The following CIB2 variants were observed in gnomAD, a reference collection of about 807,000 sequenced individuals.
CIB2 encodes calcium and integrin-binding family member 2.
Under a neutral mutation model 23.1 loss-of-function variants are expected in CIB2, and 19 were observed. The ratio of observed to expected loss-of-function variants is 0.82; its 90% CI spans 0.57 to 1.21. The LOEUF is 1.21. Among genes scored for constraint, CIB2 ranks in the 50% most tolerant of loss-of-function variants. The pLI, the probability that CIB2 is intolerant of heterozygous loss-of-function variation, is 0.00. For synonymous variants in CIB2, 94 were observed against 91.7 expected (o/e 1.03, Z -0.14); for missense variants, 220 against 241.5 (o/e 0.91, Z 0.59).
At chr15:78,117,246 C>CAAGAAAAAAAAAAAAAAA (rs2074253161) in intron 2 of CIB2, among the ~76,000 whole-genome samples, 1 of 55,496 alleles carries the variant, frequency 1.8e-5, no homozygotes, top group Non-Finnish European at 3.0e-5. Context: ...AAGCTACTGG[C>CAAGAAAAAAAAAAAAAAA]AAAAAAAAAA....
At chr15:78,115,676 C>CTTTT (rs56754406) in intron 2 of CIB2, among the ~76,000 whole-genome samples, 27 of 71,316 alleles carry the variant, frequency 3.8e-4, no homozygotes, top group East Asian at 8.7e-4. Flanking sequence ...ATCTCCTTCT[C>CTTTT]TTTTTTTTTT....
In CIB2 at chr15:78,117,246, C is replaced by CAA. The variant is rs60332437; in HGVS notation, c.87-5972_87-5971dup. ...GTTAAGTGTTTCTTCAAGCTACTGG[C>CAA]AAAAAAAAAAAAAAAAAAAAAAAAA... On this transcript the variant is annotated intron_variant, in intron 2 of 5. Coordinates refer to ENST00000258930, the MANE Select transcript of CIB2 (RefSeq NM_006383.4). 1.7e-3 allele frequency among the ~76,000 whole-genome samples: 94 copies of CAA among 55,458 alleles called. 2 individuals are homozygous for CAA. The highest frequency in any genetic ancestry group is 2.1e-3 in the Non-Finnish European group (68 of 33,028). 36.4% of individuals were successfully genotyped at this position (55,458 alleles called of 152,430 possible).
chr15:78,120,038 C>T (rs2074296887), intron 2 of CIB2, among the ~76,000 whole-genome samples: 1 of 151,730 alleles, frequency 6.6e-6, no homozygotes, highest in South Asian at 2.1e-4. Context: ...GGAGCTGGGA[C>T]TACAGGCACA....
chr15:78,121,363 G>GGCCAGGGCTGTGGGGA (rs1370207153), intron 2 of CIB2, among the ~76,000 whole-genome samples: 1 of 152,152 alleles, frequency 6.6e-6, no homozygotes, highest in Non-Finnish European at 1.5e-5. Context: ...GAGGGGTGCA[G>GGCCAGGGCTGTGGGGA]GCCAGGGCTG....
chr15:78,110,935 C>A (rs1042310639), intron 3 of CIB2, among the ~76,000 whole-genome samples: 19 of 152,338 alleles, frequency 1.2e-4, no homozygotes, highest in African/African-American at 3.8e-4. Context: ...TGAGCACAAG[C>A]CCATGGCCTG....
chr15:78,129,528 A>C (rs938922418), intron 1 of CIB2, among the ~76,000 whole-genome samples: 2 of 151,826 alleles, frequency 1.3e-5, no homozygotes, highest in Admixed American at 6.6e-5. Flanking sequence ...ACTGGGCAAA[A>C]CCCGACCTAT....
intron 5 of CIB2, 60 bp downstream of exon 5, chr15:78,105,679 C>G: frequency 6.2e-7 from 1 of 1,610,408 alleles, no homozygotes; most frequent in Non-Finnish European, 8.5e-7. Context: ...GGCCTCAGCC[C>G]CAACATCCCG....
intron 4 of CIB2, among the ~76,000 whole-genome samples, chr15:78,108,403 C>A (rs982179532): frequency 1.2e-4 from 18 of 152,196 alleles, no homozygotes; most frequent in Admixed American, 2.6e-4. Flanking sequence ...GAGGATTTGA[C>A]ACCAGTCCCC....
intron 1 of CIB2, 62 bp from the exon 2 acceptor site, chr15:78,123,801 G>C: frequency 6.3e-7 from 1 of 1,584,526 alleles, no homozygotes; most frequent in East Asian, 2.2e-5. Flanking sequence ...CTTCCTCAGA[G>C]GCCTCGATGC....
intron 4 of CIB2, among the ~76,000 whole-genome samples, chr15:78,107,072 C>CAA (rs1035728287): frequency 1.4e-5 from 2 of 139,758 alleles, no homozygotes; most frequent in Middle Eastern, 3.8e-3. Flanking sequence ...ACTAAAAATA[C>CAA]AAAAAAAAAA....
rs1419817072 is a variant in CIB2, at chr15:78,111,204, G to T, written c.159C>A (p.His53Gln). ...TCTGGATGATGAGGCTCATGGGCACGTGGACGATGGGGCTCTTCCTGTAGT... is the reference window on the plus strand; with the variant it reads ...TCTGGATGATGAGGCTCATGGGCACTTGGACGATGGGGCTCTTCCTGTAGT... ...PMDYRKSPIV[H>Q]VPMSLIIQMP... is the part of the protein sequence containing the mutation. Residue 53 changes from histidine to glutamine, a missense_variant, in exon 3 of 6, where the codon CAC (histidine) becomes CAA (glutamine). His to Gln is a conservative substitution (Grantham distance 24, BLOSUM62 0). Transcript: ENST00000258930. 1 of 1,614,194 alleles carries T rather than the reference G, an allele frequency of 6.2e-7. No homozygotes were observed.
At chr15:78,124,677 T>C (rs1347915353) in intron 1 of CIB2, among the ~76,000 whole-genome samples, 1 of 152,142 alleles carries the variant, frequency 6.6e-6, no homozygotes, top group East Asian at 1.9e-4. Context: ...TCCGCCTTTG[T>C]CCACTGTTAC....
intron 5 of CIB2, 131 bp downstream of exon 5, chr15:78,105,608 C>T (rs1434430886): frequency 6.5e-7 from 1 of 1,545,990 alleles, no homozygotes; most frequent in African/African-American, 1.4e-5. Flanking sequence ...GCAAGGGTGG[C>T]TTGAACGTGA....
intron 2 of CIB2, 108 bp from the exon 3 acceptor site, chr15:78,111,384 G>T: frequency 1.2e-6 from 1 of 862,616 alleles, no homozygotes; most frequent in Non-Finnish European, 1.8e-6. Flanking sequence ...TCCTCAGCCA[G>T]GACCAGGTAA....
intron 1 of CIB2, among the ~76,000 whole-genome samples, chr15:78,129,901 A>G (rs549560884): frequency 2.0e-5 from 3 of 152,324 alleles, no homozygotes; most frequent in African/African-American, 7.2e-5. Flanking sequence ...GAGGGCATCA[A>G]TTACTGTGCC....
chr15:78,114,203 G>A (rs537998214), intron 2 of CIB2, among the ~76,000 whole-genome samples: 1 of 152,360 alleles, frequency 6.6e-6, no homozygotes, highest in South Asian at 2.1e-4. Flanking sequence ...TAGGGAGAGA[G>A]GCTATGGGTG....
At chr15:78,110,573 C>T in intron 3 of CIB2, 1 of 440,938 alleles carries the variant, frequency 2.3e-6, no homozygotes, top group South Asian at 1.6e-5. Flanking sequence ...ATGCTGAATG[C>T]ACTTTACATA....
Position 78,104,964 on chromosome 15 carries a change from C to G in CIB2, c.*347G>C, listed in dbSNP as rs760180000. 3.0e-6 allele frequency: 1 copy of G among 334,532 alleles called. No individual in the cohort carries two copies. The allele number at this position is 334,532 out of a possible 1,614,324, so 20.7% of individuals were successfully genotyped here. A position where few individuals can be genotyped will look rare whatever the true frequency, so the allele number is the denominator to read the frequency against. On this transcript the variant is annotated 3_prime_UTR_variant, in exon 6 of 6. Coordinates refer to ENST00000258930, the MANE Select transcript of CIB2 (RefSeq NM_006383.4). The surrounding 1 kb of genome is among the most constrained non-coding windows in gnomAD (Gnocchi z 4.4). ...CAGGGTGTCTGCCAGCACTTGGACA[C>G]GTCAGACCCCACCACCTCCTGTTGG...
chr15:78,115,983 T>C (rs2074234719), intron 2 of CIB2, among the ~76,000 whole-genome samples: 1 of 151,554 alleles, frequency 6.6e-6, no homozygotes, highest in Admixed American at 6.6e-5. Flanking sequence ...GTGAGTCAAC[T>C]GAAGACAGAA....
Sources: gnomAD v4.1 joint callset for allele counts (sites outside exome capture counted in the v4.1 genomes callset) on GRCh38, gnomAD v4.1.1 for gene constraint, Gnocchi (gnomAD v3.1) non-coding constraint, MANE v1.5 for transcripts, NCBI Gene and HGNC (gene_info 2026-07-23, HGNC 2026-07-21) for gene names.